INSL6: variants seen among roughly 807,000 people sequenced by gnomAD.
INSL6 encodes insulin-like peptide INSL6.
Under a neutral mutation model 9.4 loss-of-function variants are expected in INSL6, and 16 were observed. That is an observed-to-expected ratio of 1.70 (90% confidence interval 1.15 to 2.59). The LOEUF is 2.59. Among genes scored for constraint, INSL6 ranks in the 30% most tolerant of loss-of-function variants. INSL6 has a pLI of 0.00. For missense variants in INSL6, 391 were observed against 257.3 expected, an observed-to-expected ratio of 1.52 and a Z score of -3.56; for synonymous variants, 154 against 96.9, an observed-to-expected ratio of 1.59 and a Z score of -3.46.
At chr9:5,088,654 A>AT in the INSL6 span, among the ~76,000 whole-genome samples, 1 of 152,292 alleles carries the variant, frequency 6.6e-6, no homozygotes, top group East Asian at 1.9e-4. Flanking sequence ...TCAGACATTT[A>AT]TTTCTTTGAA....
At chr9:5,024,898 G>T in the INSL6 span, among the ~76,000 whole-genome samples, 1 of 152,190 alleles carries the variant, frequency 6.6e-6, no homozygotes, top group African/African-American at 2.4e-5. Flanking sequence ...CCAGGGACCA[G>T]AGTTTCACAC....
At chr9:5,090,971 T>A in the INSL6 span, 1 of 1,178,764 alleles carries the variant, frequency 8.5e-7, no homozygotes, top group African/African-American at 1.6e-5. Context: ...ACTTTATTGT[T>A]GTTATTTAAT....
At chr9:5,155,633 A>ACTGGAAAC (rs1824800905) in intron 2 of INSL6, among the ~76,000 whole-genome samples, 1 of 151,980 alleles carries the variant, frequency 6.6e-6, no homozygotes, top group Non-Finnish European at 1.5e-5. Context: ...CATGAATGAC[A>ACTGGAAAC]CTGGAAACCA....
the INSL6 span, chr9:5,044,366 A>C: frequency 7.6e-7 from 1 of 1,320,934 alleles, no homozygotes; most frequent in South Asian, 1.2e-5. Context: ...TATTTGAACT[A>C]TTTGGAAGCT....
intron 2 of INSL6, among the ~76,000 whole-genome samples, chr9:5,139,252 T>A (rs1172435889): frequency 6.6e-6 from 1 of 152,122 alleles, no homozygotes; most frequent in Non-Finnish European, 1.5e-5. Context: ...TGAAGTATAT[T>A]TTTTTAATGA....
the INSL6 span, among the ~76,000 whole-genome samples, chr9:5,046,324 A>T: frequency 6.6e-6 from 1 of 152,194 alleles, no homozygotes; most frequent in Non-Finnish European, 1.5e-5. Context: ...TATAAGATAC[A>T]TGATTTGTAG....
At chr9:5,036,143 A>T in the INSL6 span, among the ~76,000 whole-genome samples, 1 of 152,344 alleles carries the variant, frequency 6.6e-6, no homozygotes, top group South Asian at 2.1e-4. Flanking sequence ...TGCTTCAAAG[A>T]GAATACCTAG....
the INSL6 span, among the ~76,000 whole-genome samples, chr9:5,014,875 A>G: frequency 6.6e-6 from 1 of 151,964 alleles, no homozygotes; most frequent in Non-Finnish European, 1.5e-5. Context: ...ATCTTGCAGA[A>G]GTAACCATTG....
chr9:5,170,402 A>G (rs1825153585), intron 1 of INSL6, among the ~76,000 whole-genome samples: 1 of 152,166 alleles, frequency 6.6e-6, no homozygotes, highest in Admixed American at 6.5e-5. Context: ...AAAAAGGTAG[A>G]TCTCAAATCA....
chr9:5,132,056 G>A (rs1289110053), intron 3 of INSL6: 1 of 152,062 alleles, frequency 6.6e-6, no homozygotes, highest in African/African-American at 2.4e-5. Flanking sequence ...CTTGGTAATA[G>A]GAGTAAAGGT....
the INSL6 span, among the ~76,000 whole-genome samples, chr9:5,084,014 T>G: frequency 7.8e-4 from 119 of 152,282 alleles, no homozygotes; most frequent in Non-Finnish European, 1.6e-3. Flanking sequence ...ATAATTTATT[T>G]ACAACATTCC....
chr9:5,094,214 A>G, the INSL6 span: 1 of 152,150 alleles, frequency 6.6e-6, no homozygotes, highest in African/African-American at 2.4e-5. Context: ...GACTGCTTCA[A>G]CCATTTGCTG....
At chr9:5,045,545 T>C in the INSL6 span, among the ~76,000 whole-genome samples, 1 of 152,198 alleles carries the variant, frequency 6.6e-6, no homozygotes. Flanking sequence ...AAATGGAAAC[T>C]TCATACCCAT....
At chr9:5,097,513 G>T in the INSL6 span, 4 of 152,122 alleles carry the variant, frequency 2.6e-5, no homozygotes, top group African/African-American at 9.7e-5. Context: ...AGGGTTTATT[G>T]TATGAGCACA....
the INSL6 span, among the ~76,000 whole-genome samples, chr9:5,023,351 G>A: frequency 6.6e-5 from 10 of 151,926 alleles, no homozygotes; most frequent in East Asian, 1.9e-4. Context: ...TCTTTTTTAC[G>A]ATGCCACTGG....
Position 5,164,147 on chromosome 9 carries a change from A to G in INSL6, c.408T>C (p.Asn136=). The change falls in exon 2 of 2, where the codon AAT becomes AAC. Residue 136 remains asparagine (N), a synonymous_variant. Transcript: ENST00000381641. ...CATTCTCATGAATATATACATTGATATTATGTGATGAAGAAAATTCTCTTG... is the reference window on the plus strand; with the variant it reads ...CATTCTCATGAATATATACATTGATGTTATGTGATGAAGAAAATTCTCTTG... ...GKTREFSSSH[N]INVYIHENAK... is the part of the protein sequence containing the mutation. The G allele has an allele frequency of 6.2e-7, 1 of 1,608,614 alleles. No individual in the cohort carries two copies. The highest frequency in any genetic ancestry group is 8.5e-7 in the Non-Finnish European group (1 of 1,177,446).
the INSL6 span, among the ~76,000 whole-genome samples, chr9:5,058,531 G>C: frequency 6.6e-6 from 1 of 152,164 alleles, no homozygotes; most frequent in African/African-American, 2.4e-5. Context: ...TTAAAGATGA[G>C]AGTTGGGTGG....
intron 2 of INSL6, among the ~76,000 whole-genome samples, chr9:5,144,296 A>G (rs147009518): frequency 0.029 from 4,401 of 152,256 alleles, 155 homozygotes; most frequent in African/African-American, 0.088. Context: ...TTCAATTTCC[A>G]TGTAATTGTA....
chr9:5,080,464 C>G, the INSL6 span: 1 of 1,534,968 alleles, frequency 6.5e-7, no homozygotes, highest in Non-Finnish European at 8.8e-7. Context: ...TTTAGCCCAT[C>G]TAATTTTAAA....
Sources: gnomAD v4.1 joint callset for allele counts (sites outside exome capture counted in the v4.1 genomes callset) on GRCh38, gnomAD v4.1.1 for gene constraint, MANE v1.5 for transcripts, NCBI Gene and HGNC (gene_info 2026-07-23, HGNC 2026-07-21) for gene names.